Variants in HDAC4 observed in about 807,000 individuals in gnomAD.
HDAC4 encodes histone deacetylase 4.
A neutral mutation model predicts 135.1 loss-of-function variants in HDAC4; 16 were observed. The ratio of observed to expected loss-of-function variants is 0.12; its 90% CI spans 0.08 to 0.18. The LOEUF (loss-of-function observed/expected upper bound fraction) is 0.18. Ranked by LOEUF, HDAC4 falls within the 10% of genes least tolerant of loss-of-function variation. The pLI is 1.00. For synonymous variants in HDAC4, 685 were observed against 653.4 expected (o/e 1.05, Z -0.74); for missense variants, 1,143 against 1,511.8 (o/e 0.76, Z 4.05).
intron 1 of HDAC4, among the ~76,000 whole-genome samples, chr2:239,367,571 G>C (rs949908290): frequency 3.6e-4 from 55 of 152,134 alleles, no homozygotes; most frequent in Non-Finnish European, 3.2e-4. Flanking sequence ...GAAAACCCAA[G>C]TGGAAAATTC....
intron 2 of HDAC4, among the ~76,000 whole-genome samples, chr2:239,268,211 C>A (rs567926295): frequency 6.6e-6 from 1 of 152,216 alleles, no homozygotes; most frequent in African/African-American, 2.4e-5. Context: ...CCTCAGCAAA[C>A]TGGGAATGCC....
At chr2:239,057,723 G>C (rs2032090728) in intron 24 of HDAC4, among the ~76,000 whole-genome samples, 1 of 152,210 alleles carries the variant, frequency 6.6e-6, no homozygotes, top group South Asian at 2.1e-4. Context: ...GCGAGCTGGG[G>C]AAGTTGACCA....
intron 2 of HDAC4, among the ~76,000 whole-genome samples, chr2:239,294,403 TCTGGAGCCTAC>T (rs1375619495): frequency 6.6e-6 from 1 of 151,730 alleles, no homozygotes; most frequent in African/African-American, 2.4e-5. Flanking sequence ...TGATAGGGAG[TCTGGAGCCTAC>T]CTGGCTCCCA....
intron 2 of HDAC4, among the ~76,000 whole-genome samples, chr2:239,340,657 A>G (rs1454929208): frequency 6.6e-6 from 1 of 152,166 alleles, no homozygotes; most frequent in African/African-American, 2.4e-5. Flanking sequence ...GGGGATGCTC[A>G]CGTGTATGTT....
intron 7 of HDAC4, among the ~76,000 whole-genome samples, chr2:239,153,208 A>G (rs190294295): frequency 2.0e-5 from 3 of 152,342 alleles, no homozygotes; most frequent in Admixed American, 2.0e-4. Context: ...ACATGCAAAA[A>G]ATGCATGGGG....
chr2:239,066,916 A>G (rs540640936), intron 23 of HDAC4, 61 bp from the exon 24 acceptor site: 101 of 1,578,566 alleles, frequency 6.4e-5, no homozygotes, highest in Admixed American at 3.5e-4. Flanking sequence ...AGCACAGCCC[A>G]GAAACGCGTC....
chr2:239,162,146 C>T (rs542445163), intron 6 of HDAC4: 21 of 456,824 alleles, frequency 4.6e-5, no homozygotes, highest in Admixed American at 1.6e-4. Context: ...CTCTAGTCCT[C>T]CAACTCCCGC....
chr2:239,105,352 G>A (rs1301419313), intron 15 of HDAC4, among the ~76,000 whole-genome samples: 2 of 152,228 alleles, frequency 1.3e-5, no homozygotes, highest in Non-Finnish European at 2.9e-5. Context: ...GCCAGGAGCT[G>A]TTCTGGCTCC....
In HDAC4 at chr2:239,331,007, G is replaced by C. The variant is rs1038872259; in HGVS notation, c.22+21671C>G. 6.6e-6 allele frequency among the ~76,000 whole-genome samples: 1 copy of C among 152,178 alleles called. No homozygotes were observed. The highest frequency in any genetic ancestry group is 1.5e-5 in the Non-Finnish European group (1 of 68,036). On this transcript the variant is annotated intron_variant, in intron 2 of 26. Coordinates refer to ENST00000543185, the MANE Select transcript of HDAC4 (RefSeq NM_001378414.1). The surrounding 1 kb of genome is among the most constrained non-coding windows in gnomAD (Gnocchi z 4.5). ...CACAGACCTGCTGCCCTGTGCGTGC[G>C]CATTCCCAACCTGCCTGACCTTGGC...
intron 16 of HDAC4, among the ~76,000 whole-genome samples, chr2:239,102,429 G>A (rs2037752871): frequency 6.6e-6 from 1 of 152,228 alleles, no homozygotes; most frequent in Admixed American, 6.5e-5. Flanking sequence ...TTGCTCTGAT[G>A]GGCCTTAAAG....
intron 22 of HDAC4, among the ~76,000 whole-genome samples, chr2:239,069,844 A>C (rs1345000876): frequency 2.6e-5 from 4 of 152,128 alleles, no homozygotes; most frequent in Non-Finnish European, 2.9e-5. Context: ...GCTTAGTGAG[A>C]GTGAGAGCAT....
intron 16 of HDAC4, among the ~76,000 whole-genome samples, chr2:239,101,131 C>G (rs553434611): frequency 1.3e-5 from 2 of 152,162 alleles, no homozygotes; most frequent in Non-Finnish European, 2.9e-5. Context: ...AGCCACACCC[C>G]GGCCCACCTG....
intron 2 of HDAC4, among the ~76,000 whole-genome samples, chr2:239,311,515 T>C (rs2052877107): frequency 1.3e-5 from 2 of 152,084 alleles, no homozygotes; most frequent in South Asian, 2.1e-4. Flanking sequence ...CAGTTGAAGA[T>C]GACAGATTTA....
chr2:239,055,844 C>A (rs2031753741), intron 24 of HDAC4, among the ~76,000 whole-genome samples: 1 of 152,176 alleles, frequency 6.6e-6, no homozygotes. Flanking sequence ...CAAAGCTGGA[C>A]CTGAGTCAGA....
At chr2:239,346,813 AAAC>A (rs889218998) in intron 2 of HDAC4, among the ~76,000 whole-genome samples, 19 of 140,874 alleles carry the variant, frequency 1.3e-4, no homozygotes, top group African/African-American at 5.0e-4. Flanking sequence ...ACCCTGTCTA[AAAC>A]ACACACACAC....
intron 16 of HDAC4, among the ~76,000 whole-genome samples, chr2:239,098,584 G>A: frequency 6.6e-6 from 1 of 152,382 alleles, no homozygotes; most frequent in East Asian, 1.9e-4. Flanking sequence ...GCAGCGGCCA[G>A]CCTGCCTCAG....
intron 7 of HDAC4, among the ~76,000 whole-genome samples, chr2:239,145,241 C>T (rs1224530656): frequency 6.6e-6 from 1 of 152,218 alleles, no homozygotes; most frequent in African/African-American, 2.4e-5. Flanking sequence ...TGCATCGCCC[C>T]AGCTGTGTCA....
intron 1 of HDAC4, among the ~76,000 whole-genome samples, chr2:239,386,538 G>A (rs1344612996): frequency 1.3e-5 from 2 of 152,178 alleles, no homozygotes; most frequent in Admixed American, 6.5e-5. Context: ...ATGTTGGTGG[G>A]TAAGGCGTCC....
At chr2:239,133,309 C>T (rs1439696593) in intron 11 of HDAC4, among the ~76,000 whole-genome samples, 1 of 152,220 alleles carries the variant, frequency 6.6e-6, no homozygotes, top group African/African-American at 2.4e-5. Context: ...CACGCCAAGC[C>T]CCTGAGTTTT....
Sources: gnomAD v4.1 joint callset for allele counts (sites outside exome capture counted in the v4.1 genomes callset) on GRCh38, gnomAD v4.1.1 for gene constraint, Gnocchi (gnomAD v3.1) non-coding constraint, MANE v1.5 for transcripts, NCBI Gene and HGNC (gene_info 2026-07-23, HGNC 2026-07-21) for gene names.